Variants in SLIT3 observed in about 807,000 individuals in gnomAD.
SLIT3 encodes the protein slit guidance ligand 3.
A neutral mutation model predicts 184.0 loss-of-function variants in SLIT3; 68 were observed. The observed-to-expected ratio is 0.37, with a 90% CI of 0.30 to 0.45. The LOEUF (loss-of-function observed/expected upper bound fraction) is 0.45, where lower values mean the gene tolerates loss of function less well. Among genes scored for constraint, SLIT3 ranks in the 20% least tolerant of loss-of-function variants. The pLI is 1.00. For synonymous variants in SLIT3, 831 were observed against 828.6 expected (o/e 1.00, Z -0.05); for missense variants, 1,707 against 2,026.0 (o/e 0.84, Z 3.02).
chr5:168,668,959 G>C (rs11740616), intron 35 of SLIT3, among the ~76,000 whole-genome samples: 26,963 of 152,262 alleles, frequency 0.18, 2,760 homozygotes, highest in East Asian at 0.26. Flanking sequence ...AGTAGAGACA[G>C]GGTTTCACCA....
At chr5:168,978,714 G>C (rs921350584) in intron 4 of SLIT3, among the ~76,000 whole-genome samples, 2 of 152,184 alleles carry the variant, frequency 1.3e-5, no homozygotes, top group African/African-American at 2.4e-5. Flanking sequence ...ATTCAGACCA[G>C]AGCACAAAAG....
rs751821695 is a variant in SLIT3 at position 169,172,865 on chromosome 5, T to C, written c.413+20614A>G. Among the ~76,000 whole-genome samples the C allele has an allele frequency of 3.5e-4, 53 of 152,314 alleles. 1 individual carries two copies. The highest frequency in any genetic ancestry group is 3.4e-3 in the Middle Eastern group (1 of 294). ...AAGCACCAGTCTCGGAGTTGGAGTA[T>C]GGCTGATGCTCAATAATAGTTTGCT... On this transcript the variant is annotated intron_variant, in intron 4 of 35. Transcript: ENST00000519560.
intron 4 of SLIT3, among the ~76,000 whole-genome samples, chr5:169,131,120 A>G (rs908492470): frequency 8.5e-5 from 13 of 152,246 alleles, no homozygotes; most frequent in African/African-American, 3.1e-4. Context: ...CAGGTCTAAG[A>G]TTAAGTTAGC....
At chr5:168,990,147 T>G (rs1286361219) in intron 4 of SLIT3, among the ~76,000 whole-genome samples, 2 of 152,144 alleles carry the variant, frequency 1.3e-5, no homozygotes, top group Non-Finnish European at 2.9e-5. Flanking sequence ...AGGCAAGATT[T>G]CTACATCAGG....
intron 4 of SLIT3, among the ~76,000 whole-genome samples, chr5:169,031,641 C>T (rs1203881291): frequency 6.6e-6 from 1 of 152,198 alleles, no homozygotes; most frequent in East Asian, 1.9e-4. Flanking sequence ...AGAGGAGACA[C>T]AGCTGGCTGG....
At position 169,247,709 on chromosome 5, in the gene SLIT3, C is replaced by T. The variant is rs115726267; in HGVS notation, c.270-2933G>A. ...ACAAGGTCTCACTTTGTCACCCACG[C>T]TGGAGTGCAGTGGTGCAAGGTGCTG... On this transcript the variant is annotated intron_variant, in intron 2 of 35. Transcript: ENST00000519560. Among the ~76,000 whole-genome samples the T allele has an allele frequency of 7.0e-3, 1,071 of 152,212 alleles. 11 individuals carry two copies. Among genetic ancestry groups the T allele is most frequent in the African/African-American group, 0.024 (1,013 of 41,538 alleles).
At chr5:168,966,820 T>C (rs553063152) in intron 4 of SLIT3, among the ~76,000 whole-genome samples, 1 of 152,230 alleles carries the variant, frequency 6.6e-6, no homozygotes, top group South Asian at 2.1e-4. Flanking sequence ...CCCATGAACG[T>C]GAGGACAGAA....
At chr5:169,169,912 A>G (rs1420148193) in intron 4 of SLIT3, among the ~76,000 whole-genome samples, 1 of 152,234 alleles carries the variant, frequency 6.6e-6, no homozygotes, top group Non-Finnish European at 1.5e-5. Context: ...CAGAGGCTGC[A>G]GGGACTGGCC....
At chr5:168,692,559 G>T in intron 29 of SLIT3, 48 bp downstream of exon 29, 4 of 1,318,476 alleles carry the variant, frequency 3.0e-6, no homozygotes, top group South Asian at 1.2e-5. Flanking sequence ...ACTGTTAGAG[G>T]CAGAGTTTTC....
intron 4 of SLIT3, chr5:169,022,604 C>A (rs1184413855): frequency 6.6e-6 from 1 of 152,120 alleles, no homozygotes; most frequent in Non-Finnish European, 1.5e-5. Context: ...TAGCTAAAAA[C>A]AATGAGACTG....
At chr5:168,670,090 T>C (rs1761190929) in intron 34 of SLIT3, 99 bp from the exon 35 acceptor site, 3 of 947,166 alleles carry the variant, frequency 3.2e-6, no homozygotes, top group Admixed American at 2.0e-5. Flanking sequence ...GACCCGGAGC[T>C]GAGTACAGTC....
At chr5:169,180,244 G>T (rs948346996) in intron 4 of SLIT3, among the ~76,000 whole-genome samples, 5 of 152,156 alleles carry the variant, frequency 3.3e-5, no homozygotes, top group African/African-American at 1.2e-4. Context: ...GAAGAGAATT[G>T]TTGGAGCAAC....
intron 4 of SLIT3, among the ~76,000 whole-genome samples, chr5:168,973,964 TC>T (rs1386226723): frequency 6.6e-6 from 1 of 152,234 alleles, no homozygotes; most frequent in Non-Finnish European, 1.5e-5. Flanking sequence ...AATGGAGCTC[TC>T]ATGAAAAATA....
Position 168,836,882 on chromosome 5 carries a change from C to A in SLIT3, c.557+7702G>T, listed in dbSNP as rs189007958. Among the ~76,000 whole-genome samples the A allele has an allele frequency of 1.2e-3, 180 of 152,226 alleles. 1 individual carries two copies. Among genetic ancestry groups the A allele is most frequent in the African/African-American group, 4.1e-3 (170 of 41,536 alleles). ...CTTTTGGTTAACAGGAAAGTGAAAT[C>A]AACTAGAAAACCACAAGTTTCCCGC... is the stretch of plus-strand genomic sequence containing the variant. On this transcript the variant is annotated intron_variant, in intron 6 of 35. Coordinates refer to ENST00000519560, the MANE Select transcript of SLIT3 (RefSeq NM_003062.4).
chr5:168,932,821 G>A (rs1581222662), intron 4 of SLIT3, among the ~76,000 whole-genome samples: 3 of 152,234 alleles, frequency 2.0e-5, no homozygotes, highest in African/African-American at 7.2e-5. Flanking sequence ...AGCAGCCTAG[G>A]CTACGATTTG....
chr5:168,745,952 G>A (rs1356719927), intron 20 of SLIT3, among the ~76,000 whole-genome samples: 1 of 152,192 alleles, frequency 6.6e-6, no homozygotes, highest in Admixed American at 6.5e-5. Flanking sequence ...TGGAGGCTTA[G>A]GGGATCATTA....
chr5:169,107,439 T>C (rs946839974), intron 4 of SLIT3, among the ~76,000 whole-genome samples: 1 of 152,214 alleles, frequency 6.6e-6, no homozygotes, highest in Non-Finnish European at 1.5e-5. Flanking sequence ...TGCAAGTAGA[T>C]GTGGGTTTGA....
chr5:169,033,156 TTTTG>T (rs142981455), intron 4 of SLIT3, among the ~76,000 whole-genome samples: 15,980 of 151,850 alleles, frequency 0.11, 1,452 homozygotes, highest in African/African-American at 0.24. Flanking sequence ...ACAGTTGGGT[TTTTG>T]TTTGTTTGTT....
At chr5:168,763,447 G>A (rs974421307) in intron 14 of SLIT3, among the ~76,000 whole-genome samples, 8 of 152,274 alleles carry the variant, frequency 5.3e-5, no homozygotes, top group Admixed American at 3.9e-4. Flanking sequence ...GCGAGGACGA[G>A]CAAATTGTAT....
Sources: allele counts gnomAD v4.1 joint callset (sites outside exome capture counted in the v4.1 genomes callset), GRCh38; gene constraint gnomAD v4.1.1; transcripts MANE v1.5; gene names NCBI Gene and HGNC (gene_info 2026-07-23, HGNC 2026-07-21).